The following ATXN3 variants were observed in gnomAD, a reference collection of about 807,000 sequenced individuals.
ATXN3 encodes ataxin 3.
Under a neutral mutation model 58.2 loss-of-function variants are expected in ATXN3, and 28 were observed. The observed-to-expected ratio is 0.48, with a 90% confidence interval of 0.36 to 0.66. ATXN3 has a LOEUF of 0.66. Ranked by LOEUF, ATXN3 falls within the 30% of genes least tolerant of loss-of-function variation. The pLI is 0.00. For synonymous variants in ATXN3, 113 were observed against 138.5 expected (o/e 0.82, Z 1.29); for missense variants, 321 against 422.1 (o/e 0.76, Z 2.10).
intron 6 of ATXN3, among the ~76,000 whole-genome samples, chr14:92,086,424 G>C (rs1415666846): frequency 1.3e-5 from 2 of 151,814 alleles, no homozygotes; most frequent in Non-Finnish European, 2.9e-5. Flanking sequence ...AATTAGCCAG[G>C]CATGGTGGCA....
chr14:92,081,036 A>T lies in ATXN3; in HGVS notation c.801T>A (p.Asp267Glu). 1 of 1,611,354 alleles carries T rather than the reference A, an allele frequency of 6.2e-7. No homozygotes were observed. Among genetic ancestry groups the T allele is most frequent in the Non-Finnish European group, 8.5e-7 (1 of 1,178,140 alleles). The change falls in exon 9 of 11, where the codon GAT becomes GAA. Residue 267 changes from aspartate to glutamate, a missense_variant. Around this residue, in one of 2 missense-constraint regions of ATXN3, gnomAD observed 200 missense variants for 223.2 expected, o/e 0.90. Transcript: ENST00000644486. ...MQGSSRNISQ[D>E]MTQTSGTNLT... ...GATTTGTACCTGATGTCTGTGTCAT[A>T]TCTTGAGATATGTTTCTGGAACTAC...
Position 92,063,938 on chromosome 14 carries a change from C to A in ATXN3, c.*382G>T, listed in dbSNP as rs910369. ...GCCACTATTACATGATGTGAGCCAA[C>A]TTACCTACAAGACAGAAAAAGAAAA... On this transcript the variant is annotated 3_prime_UTR_variant, in exon 11 of 11. Transcript: ENST00000644486. 0.26 allele frequency: 41,420 copies of A among 158,982 alleles called. 5,581 individuals carry two copies. Among genetic ancestry groups the A allele is most frequent in the East Asian group, 0.36 (1,929 of 5,424 alleles). The allele number at this position is 158,982 out of a possible 1,614,324, so 9.8% of individuals were successfully genotyped here. A position where few individuals can be genotyped will look rare whatever the true frequency, so the allele number is the denominator to read the frequency against.
chr14:92,092,533 T>C (rs1245986030), intron 5 of ATXN3, among the ~76,000 whole-genome samples: 1 of 152,240 alleles, frequency 6.6e-6, no homozygotes. Flanking sequence ...TTATTCATGC[T>C]TGACACTATT....
At position 92,061,926 on chromosome 14, in the gene ATXN3, C is replaced by G. The variant is rs1020548004; in HGVS notation, c.*2394G>C. Reference sequence around the variant, plus strand: ...TCACAACAAACTACACAAACACATTCAAACGCATCCAGTGTGTGCTCAGCT... The same window carrying G: ...TCACAACAAACTACACAAACACATTGAAACGCATCCAGTGTGTGCTCAGCT... On this transcript the variant is annotated 3_prime_UTR_variant, in exon 11 of 11. Transcript: ENST00000644486. 5.3e-5 allele frequency: 8 copies of G among 152,182 alleles called. No homozygotes were observed. Among genetic ancestry groups the G allele is most frequent in the African/African-American group, 1.9e-4 (8 of 41,442 alleles). 9.4% of individuals were successfully genotyped at this position (152,182 alleles called of 1,614,324 possible).
At chr14:92,103,393 T>C (rs1378354408) in intron 1 of ATXN3, among the ~76,000 whole-genome samples, 2 of 152,334 alleles carry the variant, frequency 1.3e-5, no homozygotes, top group South Asian at 2.1e-4. Flanking sequence ...CAGCACCATA[T>C]ATATCTCAGA....
At chr14:92,056,420 A>G (rs1433838286), downstream of ATXN3, among the ~76,000 whole-genome samples, 1 of 152,190 alleles carries the variant, frequency 6.6e-6, no homozygotes, top group African/African-American at 2.4e-5. Context: ...CATACAATGG[A>G]ATATTATTCA....
At chr14:92,105,854 T>C (rs1244785253) in intron 1 of ATXN3, among the ~76,000 whole-genome samples, 1 of 152,200 alleles carries the variant, frequency 6.6e-6, no homozygotes. Flanking sequence ...TCCGGAAAGA[T>C]GGGAGTACCA....
intron 9 of ATXN3, among the ~76,000 whole-genome samples, chr14:92,074,829 C>G (rs1316016764): frequency 6.6e-6 from 1 of 152,184 alleles, no homozygotes; most frequent in Non-Finnish European, 1.5e-5. Context: ...ATATTTGTGT[C>G]TCTCCTTGTT....
intron 9 of ATXN3, among the ~76,000 whole-genome samples, chr14:92,076,939 CAAAAA>C (rs1157708694): frequency 1.0e-4 from 6 of 59,830 alleles, no homozygotes; most frequent in African/African-American, 3.1e-4. Context: ...GATTTCGTCT[CAAAAA>C]AAAAAAAAAA....
At chr14:92,083,062 A>G in intron 7 of ATXN3, 64 bp downstream of exon 7, 2 of 1,535,492 alleles carry the variant, frequency 1.3e-6, no homozygotes, top group Non-Finnish European at 1.8e-6. Context: ...CAATCTAAGC[A>G]TGAAAATTTA....
intron 9 of ATXN3, among the ~76,000 whole-genome samples, chr14:92,079,094 G>A (rs2060965683): frequency 6.7e-6 from 1 of 149,704 alleles, no homozygotes; most frequent in African/African-American, 2.5e-5. Context: ...GCTGAAGTGG[G>A]AGAATCGCTT....
chr14:92,086,823 AG>A (rs150394957), intron 6 of ATXN3, among the ~76,000 whole-genome samples: 19,242 of 139,302 alleles, frequency 0.14, 1,324 homozygotes, highest in African/African-American at 0.18. Context: ...TTACAAAAAA[AG>A]GGGGGGGGAA....
intron 10 of ATXN3, among the ~76,000 whole-genome samples, chr14:92,064,861 C>G (rs1595468291): frequency 6.6e-6 from 1 of 152,106 alleles, no homozygotes; most frequent in Non-Finnish European, 1.5e-5. Context: ...ACTGTCAATT[C>G]AAAGGAAGTT....
chr14:92,094,903 GAGGAAGAGTCC>G (rs1566972501), intron 3 of ATXN3, among the ~76,000 whole-genome samples: 1 of 152,178 alleles, frequency 6.6e-6, no homozygotes, highest in Non-Finnish European at 1.5e-5. Flanking sequence ...GCTGGTGGAT[GAGGAAGAGTCC>G]AGGAGGGCAG....
chr14:92,092,407 G>C (rs1411700918), intron 5 of ATXN3, among the ~76,000 whole-genome samples: 1 of 152,148 alleles, frequency 6.6e-6, no homozygotes, highest in Non-Finnish European at 1.5e-5. Flanking sequence ...GCTTGCTCAA[G>C]ACATATTTCA....
intron 1 of ATXN3, 36 bp downstream of exon 1, chr14:92,106,493 G>A (rs750579021): frequency 6.2e-7 from 1 of 1,612,074 alleles, no homozygotes; most frequent in Non-Finnish European, 8.5e-7. Flanking sequence ...CCGCCACCGC[G>A]CGGCAGACAG....
chr14:92,103,881 G>C (rs908905913), intron 1 of ATXN3, among the ~76,000 whole-genome samples: 2 of 152,162 alleles, frequency 1.3e-5, no homozygotes, highest in Non-Finnish European at 2.9e-5. Context: ...CCAGGACCTA[G>C]CAAGGGTTAA....
At chr14:92,100,319 A>G (rs2066480774) in intron 1 of ATXN3, among the ~76,000 whole-genome samples, 1 of 152,234 alleles carries the variant, frequency 6.6e-6, no homozygotes, top group South Asian at 2.1e-4. Flanking sequence ...AAAGACATGT[A>G]TAAGAATGTT....
At chr14:92,072,636 A>G (rs1190173990) in intron 9 of ATXN3, among the ~76,000 whole-genome samples, 1 of 151,544 alleles carries the variant, frequency 6.6e-6, no homozygotes, top group Admixed American at 6.6e-5. Context: ...ATACAAACAC[A>G]GAAAACCAAA....
Sources: gnomAD v4.1 joint callset for allele counts (sites outside exome capture counted in the v4.1 genomes callset) on GRCh38, gnomAD v4.1.1 for gene constraint, gnomAD v4.1.1 regional missense constraint, MANE v1.5 for transcripts, NCBI Gene and HGNC (gene_info 2026-07-23, HGNC 2026-07-21) for gene names.